The following GALNT10 variants were observed in gnomAD, a reference collection of about 807,000 sequenced individuals.
The protein encoded by GALNT10 is polypeptide N-acetylgalactosaminyltransferase 10, also known as GalNAc transferase 10.
A neutral mutation model predicts 75.0 loss-of-function variants in GALNT10; 41 were observed. That is an observed-to-expected ratio of 0.55 (90% CI 0.43 to 0.71). The LOEUF is 0.71. Ranked by LOEUF, GALNT10 falls within the 30% of genes least tolerant of loss-of-function variation. GALNT10 has a pLI of 0.00. For synonymous variants in GALNT10, 302 were observed against 313.0 expected (o/e 0.96, Z 0.37); for missense variants, 727 against 818.5 (o/e 0.89, Z 1.36).
Position 154,310,752 on chromosome 5 carries a change from G to A in GALNT10, c.401+12673G>A, listed in dbSNP as rs182678214. Among the ~76,000 whole-genome samples the A allele has an allele frequency of 1.8e-3, 280 of 152,208 alleles. 1 individual carries two copies. The highest frequency in any genetic ancestry group is 6.3e-3 in the African/African-American group (263 of 41,534). The stretch of plus-strand genomic sequence containing the variant: ...CTCCCAAAGTGCTGGGATTACAGGC[G>A]TGAGCCACCGTGCCTGGCCACATCA... On this transcript the variant is annotated intron_variant, in intron 3 of 11. Coordinates refer to ENST00000297107, the MANE Select transcript of GALNT10 (RefSeq NM_198321.4).
intron 1 of GALNT10, among the ~76,000 whole-genome samples, chr5:154,212,107 A>G (rs1177901677): frequency 6.6e-6 from 1 of 152,196 alleles, no homozygotes; most frequent in African/African-American, 2.4e-5. Flanking sequence ...CCAGAAGTTT[A>G]CATCATCTGT....
intron 4 of GALNT10, among the ~76,000 whole-genome samples, chr5:154,344,197 C>T (rs976247486): frequency 0.012 from 1,029 of 87,634 alleles, 10 homozygotes; most frequent in Non-Finnish European, 0.021. Context: ...AAATTTCTTT[C>T]TTTCTTTCTT....
intron 1 of GALNT10, among the ~76,000 whole-genome samples, chr5:154,204,930 T>A (rs1161602511): frequency 6.6e-6 from 1 of 152,234 alleles, no homozygotes; most frequent in Non-Finnish European, 1.5e-5. Flanking sequence ...CTGTACCTTA[T>A]AGTGCTGGCA....
rs775525831 is a variant in GALNT10, at chr5:154,416,996, C to T, written c.*24C>T. Reference sequence around the variant, plus strand: ...GAGCCCTCATGTCCCCTTGGCAGGCCCCCCAGGGTCTGGCACTCACTGCAG... The same window carrying T: ...GAGCCCTCATGTCCCCTTGGCAGGCTCCCCAGGGTCTGGCACTCACTGCAG... On this transcript the variant is annotated 3_prime_UTR_variant, in exon 12 of 12. Coordinates refer to ENST00000297107, the MANE Select transcript of GALNT10 (RefSeq NM_198321.4). The surrounding 1 kb of genome is among the most constrained non-coding windows in gnomAD (Gnocchi z 4.5). 6.2e-7 allele frequency: 1 copy of T among 1,610,750 alleles called. No individual in the cohort carries two copies. Among genetic ancestry groups the T allele is most frequent in the African/African-American group, 1.3e-5 (1 of 74,870 alleles).
intron 4 of GALNT10, among the ~76,000 whole-genome samples, chr5:154,365,002 T>G (rs547056756): frequency 6.6e-6 from 1 of 152,330 alleles, no homozygotes; most frequent in East Asian, 1.9e-4. Flanking sequence ...GTCGTCTGAT[T>G]ATTAAACAGA....
rs920274539 is a variant in GALNT10 at position 154,352,267 on chromosome 5, T to C, written c.568+22529T>C. 6.6e-6 allele frequency among the ~76,000 whole-genome samples: 1 copy of C among 152,164 alleles called. No homozygotes were observed. The highest frequency in any genetic ancestry group is 1.5e-5 in the Non-Finnish European group (1 of 68,024). ...CAGCCACCCCCGGCTCCAGCTACTC[T>C]TCCACACCCCAAACTCAACACGGCC... is the stretch of plus-strand genomic sequence containing the variant. On this transcript the variant is annotated intron_variant, in intron 4 of 11. Coordinates refer to ENST00000297107, the MANE Select transcript of GALNT10 (RefSeq NM_198321.4). The surrounding 1 kb of genome is among the most constrained non-coding windows in gnomAD (Gnocchi z 4.4).
intron 1 of GALNT10, among the ~76,000 whole-genome samples, chr5:154,234,165 C>T (rs1753208492): frequency 6.6e-6 from 1 of 152,192 alleles, no homozygotes; most frequent in South Asian, 2.1e-4. Context: ...AGTTGGGATA[C>T]ATCTAACGGC....
At position 154,286,055 on chromosome 5, in the gene GALNT10, C is replaced by G. The variant is rs960646539; in HGVS notation, c.160-8761C>G. ...ACCTTGCAGGCTGGATCAGATCCCC[C>G]CAGTCTGATCTGAAAGAAAGGGACT... On this transcript the variant is annotated intron_variant, in intron 1 of 11. Transcript: ENST00000297107. Among the ~76,000 whole-genome samples, 42 of 152,342 alleles carry G rather than the reference C, an allele frequency of 2.8e-4. No individual in the cohort carries two copies. In the East Asian group the frequency reaches 6.2e-3, roughly 22 times the overall value.
intron 4 of GALNT10, among the ~76,000 whole-genome samples, chr5:154,356,502 T>C (rs1432519184): frequency 6.6e-6 from 1 of 152,236 alleles, no homozygotes; most frequent in Non-Finnish European, 1.5e-5. Context: ...CCTCTCTGAT[T>C]CATAATTTCA....
intron 3 of GALNT10, among the ~76,000 whole-genome samples, chr5:154,324,831 A>G (rs544571278): frequency 1.3e-5 from 2 of 152,204 alleles, no homozygotes; most frequent in African/African-American, 4.8e-5. Flanking sequence ...CTTCTGAACT[A>G]AAGCTAAATC....
chr5:154,218,150 G>A (rs979733128), intron 1 of GALNT10: 3 of 985,082 alleles, frequency 3.0e-6, no homozygotes, highest in Non-Finnish European at 2.4e-6. Flanking sequence ...GCATTTTCAG[G>A]TGGGGATGAC....
At chr5:154,261,056 G>A (rs1356079362) in intron 1 of GALNT10, among the ~76,000 whole-genome samples, 1 of 152,118 alleles carries the variant, frequency 6.6e-6, no homozygotes, top group East Asian at 1.9e-4. Context: ...AATTGGGCTG[G>A]GGCGGGGGTG....
chr5:154,191,438 C>T (rs1368459103), intron 1 of GALNT10, among the ~76,000 whole-genome samples: 2 of 3,834 alleles, frequency 5.2e-4, no homozygotes, highest in Non-Finnish European at 6.4e-4. Flanking sequence ...TCCTCCCACC[C>T]CCCCCCCCCC....
At position 154,415,904 on chromosome 5, in the gene GALNT10, A is replaced by G; in HGVS notation, c.1625A>G (p.Lys542Arg). 1 of 1,614,118 alleles carries G rather than the reference A, an allele frequency of 6.2e-7. No individual in the cohort carries two copies. The highest frequency in any genetic ancestry group is 1.1e-5 in the South Asian group (1 of 91,076). ...PVTLYDCHSM[K>R]GNQLWKYRKD... ...ACGCTGTACGACTGCCACAGCATGA[A>G]GGGCAACCAGCTGTGGAAATACCGC... is the stretch of plus-strand genomic sequence containing the variant. Residue 542 changes from lysine (K) to arginine (R), a missense_variant, in exon 11 of 12, where the codon AAG becomes AGG. Coordinates refer to ENST00000297107, the MANE Select transcript of GALNT10 (RefSeq NM_198321.4).
chr5:154,372,015 A>G (rs1755580067), intron 4 of GALNT10, among the ~76,000 whole-genome samples: 1 of 152,168 alleles, frequency 6.6e-6, no homozygotes, highest in African/African-American at 2.4e-5. Flanking sequence ...AAGCTAAAGG[A>G]TGGGTCTATG....
chr5:154,190,941 G>A lies in GALNT10; in HGVS notation c.75G>A (p.Val25=). 6.6e-7 allele frequency: 1 copy of A among 1,509,564 alleles called. No homozygotes were observed. The highest frequency in any genetic ancestry group is 1.4e-5 in the African/African-American group (1 of 70,876). 93.5% of individuals were successfully genotyped at this position (1,509,564 alleles called of 1,614,324 possible). ...CGGCCCTGGTCCTCCTGCCCAACGT[G>A]GGGCTTTGGGCGCTGTACCGCGAGC... ...VLAALVLLPN[V]GLWALYRERQ... is the part of the protein sequence containing the mutation. The change falls in exon 1 of 12, where the codon GTG becomes GTA. Residue 25 remains valine (V), a synonymous_variant. Transcript: ENST00000297107.
At chr5:154,243,275 C>T (rs1335861095) in intron 1 of GALNT10, among the ~76,000 whole-genome samples, 1 of 152,214 alleles carries the variant, frequency 6.6e-6, no homozygotes, top group Non-Finnish European at 1.5e-5. Flanking sequence ...TACTCTTTTG[C>T]TTTCTACTCC....
At chr5:154,221,420 GC>G (rs1752976615) in intron 1 of GALNT10, among the ~76,000 whole-genome samples, 1 of 152,188 alleles carries the variant, frequency 6.6e-6, no homozygotes, top group Non-Finnish European at 1.5e-5. Flanking sequence ...GGGTTAGGGT[GC>G]CCCTGAGTTG....
chr5:154,254,481 C>A (rs912729691), intron 1 of GALNT10, among the ~76,000 whole-genome samples: 1 of 151,296 alleles, frequency 6.6e-6, no homozygotes, highest in Non-Finnish European at 1.5e-5. Flanking sequence ...AGAATTCCCA[C>A]AGAGGTGTTT....
Sources: gnomAD v4.1 joint callset for allele counts (sites outside exome capture counted in the v4.1 genomes callset) on GRCh38, gnomAD v4.1.1 for gene constraint, Gnocchi (gnomAD v3.1) non-coding constraint, MANE v1.5 for transcripts, NCBI Gene and HGNC (gene_info 2026-07-23, HGNC 2026-07-21) for gene names.